ZMYM4: variants seen among roughly 807,000 people sequenced by gnomAD.
ZMYM4 encodes zinc finger MYM-type containing 4.
A neutral mutation model predicts 183.2 loss-of-function variants in ZMYM4; 31 were observed. The ratio of observed to expected loss-of-function variants is 0.17; its 90% CI spans 0.13 to 0.23. The LOEUF is 0.23. Among genes scored for constraint, ZMYM4 ranks in the 10% least tolerant of loss-of-function variants. ZMYM4 has a pLI of 1.00. For missense variants in ZMYM4, 1,273 were observed against 1,840.3 expected (o/e 0.69, Z 5.64); for synonymous variants, 592 against 631.2 (o/e 0.94, Z 0.93).
At chr1:35,302,608 A>C (rs974934342) in intron 1 of ZMYM4, among the ~76,000 whole-genome samples, 1 of 151,826 alleles carries the variant, frequency 6.6e-6, no homozygotes, top group Non-Finnish European at 1.5e-5. Flanking sequence ...GATGGTCTCG[A>C]TCTCCTGACC....
At position 35,397,565 on chromosome 1, in the gene ZMYM4, G is replaced by T. The variant is rs1296199591; in HGVS notation, c.3199+20G>T. ...AGGGAGGTTGGTATACTCTTTAAAA[G>T]TAAAGAAAGAAAAAACACGTTTTAC... is the stretch of plus-strand genomic sequence containing the variant. On this transcript the variant is annotated intron_variant, in intron 20 of 29. Transcript: ENST00000314607. 11 of 1,566,544 alleles carry T rather than the reference G, an allele frequency of 7.0e-6. No homozygotes were observed. Among genetic ancestry groups the T allele is most frequent in the Non-Finnish European group, 9.5e-6 (11 of 1,162,100 alleles).
In ZMYM4 at chr1:35,354,727, T is replaced by TAAAAAAAA. The variant is rs57493035; in HGVS notation, c.86-4176_86-4169dup. 1.5e-3 allele frequency among the ~76,000 whole-genome samples: 123 copies of TAAAAAAAA among 84,016 alleles called. 9 individuals carry two copies. Among genetic ancestry groups the TAAAAAAAA allele is most frequent in the African/African-American group, 6.6e-3 (113 of 17,150 alleles). The allele number at this position is 84,016 out of a possible 152,430, so 55.1% of individuals were successfully genotyped here. ...GGGCGACAGAGTGAAACTTTGTCTT[T>TAAAAAAAA]AAAAAAAAAAAAAAAAAAAAAAAAA... is the stretch of plus-strand genomic sequence containing the variant. On this transcript the variant is annotated intron_variant, in intron 2 of 29. Transcript: ENST00000314607.
chr1:35,370,634 C>A lies in ZMYM4; in HGVS notation c.1181+7C>A. On this transcript the variant is annotated splice_region_variant and intron_variant, in intron 7 of 29. Coordinates refer to ENST00000314607, the MANE Select transcript of ZMYM4 (RefSeq NM_005095.3). ...CTTGTTCAAGTTGCTCAAAGTATAG[C>A]AGAATTCTAAATTATCTTTTTTGTT... 1 of 1,583,334 alleles carries A rather than the reference C, an allele frequency of 6.3e-7. No homozygotes were observed. The highest frequency in any genetic ancestry group is 8.6e-7 in the Non-Finnish European group (1 of 1,162,044).
Position 35,392,674 on chromosome 1 carries a change from T to C in ZMYM4, c.2756T>C (p.Ile919Thr), listed in dbSNP as rs994107651. 5.0e-6 allele frequency: 8 copies of C among 1,594,238 alleles called. No individual in the cohort carries two copies. The African/African-American group carries it at 1.1e-4, about 22-fold the overall frequency. ...GCAGTTCCAACAGTAACAGCGAAAATCATCGGTGATGTAAGTTTTATTACT... is the reference window on the plus strand; with the variant it reads ...GCAGTTCCAACAGTAACAGCGAAAACCATCGGTGATGTAAGTTTTATTACT... ...QGAVPTVTAK[I>T]IGDASTQTDA... Residue 919 changes from isoleucine (I) to threonine (T), a missense_variant, in exon 17 of 30, where the codon ATC becomes ACC. Ile to Thr is a moderately conservative substitution (Grantham distance 89). This residue lies in a region of ZMYM4 where 290 missense variants were observed against 353.3 expected (regional missense o/e 0.82). Transcript: ENST00000314607.
intron 1 of ZMYM4, among the ~76,000 whole-genome samples, chr1:35,319,737 A>T (rs887019253): frequency 2.0e-5 from 3 of 152,336 alleles, no homozygotes; most frequent in East Asian, 3.9e-4. Flanking sequence ...CAGAGTAGCA[A>T]CAGGGAAAGA....
At chr1:35,409,441 A>C (rs1639778844) in intron 26 of ZMYM4, among the ~76,000 whole-genome samples, 1 of 151,750 alleles carries the variant, frequency 6.6e-6, no homozygotes, top group Admixed American at 6.6e-5. Context: ...ACATTTGTTA[A>C]TTTCTGTCTT....
chr1:35,340,901 T>A (rs893560486), intron 2 of ZMYM4, among the ~76,000 whole-genome samples: 1 of 152,162 alleles, frequency 6.6e-6, no homozygotes, highest in South Asian at 2.1e-4. Flanking sequence ...GCATTTAAGT[T>A]TTATTTAATT....
Position 35,289,953 on chromosome 1 carries a change from CTTTTCTTTT to C in ZMYM4, c.39+20878_39+20886del, listed in dbSNP as rs989713981. Among the ~76,000 whole-genome samples, 14 of 151,682 alleles carry C rather than the reference CTTTTCTTTT, an allele frequency of 9.2e-5. 2 individuals carry two copies. The highest frequency in any genetic ancestry group is 2.7e-4 in the African/African-American group (11 of 41,132). The stretch of plus-strand genomic sequence containing the variant: ...AGTGATTGACTTGCCAGTTTTCTTT[CTTTTCTTTT>C]TTTTCTTTTCTTTTCTTTTCTTTCA... On this transcript the variant is annotated intron_variant, in intron 1 of 29. Transcript: ENST00000314607.
intron 28 of ZMYM4, among the ~76,000 whole-genome samples, chr1:35,416,421 T>C (rs777613647): frequency 7.2e-5 from 11 of 152,244 alleles, no homozygotes; most frequent in Non-Finnish European, 1.3e-4. Flanking sequence ...AACTAAAATC[T>C]GTATTTGTGA....
chr1:35,323,834 G>A (rs1178581335), intron 1 of ZMYM4, among the ~76,000 whole-genome samples: 4 of 151,822 alleles, frequency 2.6e-5, no homozygotes, highest in East Asian at 1.9e-4. Context: ...GATTACAGGC[G>A]TGAGTCACCA....
intron 7 of ZMYM4, among the ~76,000 whole-genome samples, chr1:35,380,094 T>C (rs1346973598): frequency 6.6e-6 from 1 of 152,188 alleles, no homozygotes; most frequent in Admixed American, 6.5e-5. Context: ...CTACAAGCCT[T>C]CTATTTGTTA....
chr1:35,338,550 C>G (rs1643070363), intron 2 of ZMYM4, among the ~76,000 whole-genome samples: 1 of 152,120 alleles, frequency 6.6e-6, no homozygotes, highest in South Asian at 2.1e-4. Context: ...CCCAGTAATA[C>G]CAAGGAAAGA....
chr1:35,360,656 T>C (rs1643915564), intron 3 of ZMYM4, among the ~76,000 whole-genome samples: 1 of 152,114 alleles, frequency 6.6e-6, no homozygotes, highest in Non-Finnish European at 1.5e-5. Context: ...AATGTCCAGC[T>C]GAATAGCGTA....
chr1:35,300,635 A>G (rs1641237510), intron 1 of ZMYM4, among the ~76,000 whole-genome samples: 1 of 152,000 alleles, frequency 6.6e-6, no homozygotes, highest in Non-Finnish European at 1.5e-5. Context: ...CTTTTGCTGT[A>G]TGTTCTAATT....
intron 5 of ZMYM4, among the ~76,000 whole-genome samples, chr1:35,367,833 G>A (rs147846732): frequency 0.018 from 2,675 of 151,954 alleles, 74 homozygotes; most frequent in African/African-American, 0.06. Context: ...AAAATTAGCC[G>A]GGTGTGGTGG....
intron 1 of ZMYM4, among the ~76,000 whole-genome samples, chr1:35,323,440 A>G (rs1642371878): frequency 6.6e-6 from 1 of 152,252 alleles, no homozygotes; most frequent in South Asian, 2.1e-4. Context: ...GTATTGTTCA[A>G]AAACAAACTG....
chr1:35,361,898 G>A, intron 5 of ZMYM4, 109 bp downstream of exon 5: 1 of 1,408,456 alleles, frequency 7.1e-7, no homozygotes, highest in Non-Finnish European at 9.5e-7. Context: ...AGGGTGAAAG[G>A]AAACTCTTAA....
At chr1:35,313,351 A>T (rs1343894330) in intron 1 of ZMYM4, among the ~76,000 whole-genome samples, 2 of 151,028 alleles carry the variant, frequency 1.3e-5, no homozygotes, top group African/African-American at 4.9e-5. Context: ...AAGTATTTTA[A>T]AGGTAAACTT....
intron 1 of ZMYM4, among the ~76,000 whole-genome samples, chr1:35,316,301 G>A (rs991780585): frequency 6.6e-6 from 1 of 152,184 alleles, no homozygotes; most frequent in African/African-American, 2.4e-5. Context: ...GTATTTGGTA[G>A]CAAATGTGTA....
Sources: allele counts gnomAD v4.1 joint callset (sites outside exome capture counted in the v4.1 genomes callset), GRCh38; gene constraint gnomAD v4.1.1; regional missense constraint gnomAD v4.1.1; transcripts MANE v1.5; gene names NCBI Gene and HGNC (gene_info 2026-07-23, HGNC 2026-07-21).